The following CBLB variants were observed in gnomAD, a reference collection of about 807,000 sequenced individuals.
The protein encoded by CBLB is E3 ubiquitin-protein ligase CBL-B.
A neutral mutation model predicts 104.9 loss-of-function variants in CBLB; 31 were observed. The ratio of observed to expected loss-of-function variants is 0.30; its 90% CI spans 0.22 to 0.40. The LOEUF is 0.40. CBLB is among the 10% of genes least tolerant of loss of function. The probability of loss-of-function intolerance (pLI) is 1.00; values close to 1 mark genes in which losing one functional copy is unlikely to be tolerated. For synonymous variants in CBLB, 440 were observed against 422.6 expected, an observed-to-expected ratio of 1.04 and a Z score of -0.51; for missense variants, 1,062 against 1,214.6, an observed-to-expected ratio of 0.87 and a Z score of 1.87.
intron 4 of CBLB, among the ~76,000 whole-genome samples, chr3:105,773,268 A>G (rs1185019500): frequency 1.2e-4 from 19 of 152,226 alleles, no homozygotes; most frequent in Non-Finnish European, 1.5e-5. Context: ...CCATTATTCT[A>G]AGTGAAGTAA....
chr3:105,835,983 T>C (rs1020113130), intron 3 of CBLB, among the ~76,000 whole-genome samples: 1 of 151,938 alleles, frequency 6.6e-6, no homozygotes, highest in African/African-American at 2.4e-5. Context: ...AATGGAATGT[T>C]ATCTGGTACA....
rs116409047 is a variant in CBLB, at chr3:105,815,375, G to A, written c.419+38039C>T. ...AGCAAAAAACACAGGAAGAAAGGCT[G>A]TTAATGGCTTTATATTACAATGGAA... On this transcript the variant is annotated intron_variant, in intron 3 of 18. Coordinates refer to ENST00000394030, the MANE Select transcript of CBLB (RefSeq NM_170662.5). 5.0e-3 allele frequency among the ~76,000 whole-genome samples: 761 copies of A among 152,312 alleles called. 7 individuals carry two copies. The highest frequency in any genetic ancestry group is 0.017 in the African/African-American group (714 of 41,568).
intron 9 of CBLB, among the ~76,000 whole-genome samples, chr3:105,725,123 T>TA (rs1292535352): frequency 6.6e-6 from 1 of 152,146 alleles, no homozygotes; most frequent in South Asian, 2.1e-4. Context: ...ATATCAAAAT[T>TA]AAAAAAACTA....
intron 4 of CBLB, among the ~76,000 whole-genome samples, chr3:105,763,598 T>A (rs1029285617): frequency 4.6e-5 from 7 of 152,240 alleles, no homozygotes; most frequent in African/African-American, 1.4e-4. Context: ...CATGTGGAAC[T>A]GTGAGTGCAT....
chr3:105,703,912 G>T, intron 11 of CBLB, 76 bp downstream of exon 11: 1 of 1,369,630 alleles, frequency 7.3e-7, no homozygotes, highest in Non-Finnish European at 1.0e-6. Flanking sequence ...TATGAGTAAT[G>T]GAATTTAAAA....
intron 9 of CBLB, 101 bp downstream of exon 9, chr3:105,733,908 A>T: frequency 9.2e-7 from 1 of 1,084,160 alleles, no homozygotes. Context: ...CATTTCAAAC[A>T]AAGCACTTAC....
chr3:105,868,776 G>A lies in CBLB; in HGVS notation c.-55C>T. Reference sequence around the variant, plus strand: ...CTGTCCAGAGACACGCGTGTGCGCGGGTCCCACTCCACACGCACGCAGCCC... The same window carrying A: ...CTGTCCAGAGACACGCGTGTGCGCGAGTCCCACTCCACACGCACGCAGCCC... On this transcript the variant is annotated 5_prime_UTR_variant, in exon 1 of 19. Coordinates refer to ENST00000394030, the MANE Select transcript of CBLB (RefSeq NM_170662.5). 3 of 988,918 alleles carry A rather than the reference G, an allele frequency of 3.0e-6. No individual in the cohort carries two copies. The highest frequency in any genetic ancestry group is 3.6e-6 in the Non-Finnish European group (3 of 832,118). 61.3% of individuals were successfully genotyped at this position (988,918 alleles called of 1,614,324 possible). A position where few individuals can be genotyped will look rare whatever the true frequency, so the allele number is the denominator to read the frequency against.
chr3:105,677,744 C>G (rs1293617603), intron 17 of CBLB, among the ~76,000 whole-genome samples: 3 of 150,054 alleles, frequency 2.0e-5, no homozygotes, highest in Non-Finnish European at 3.0e-5. Flanking sequence ...TATTTCAGAT[C>G]CTCTTTTGAA....
chr3:105,855,501 T>A (rs1224737382), intron 2 of CBLB, among the ~76,000 whole-genome samples: 6 of 152,224 alleles, frequency 3.9e-5, no homozygotes, highest in Non-Finnish European at 8.8e-5. Context: ...TATCAAAGCA[T>A]CATGTTATAC....
intron 3 of CBLB, among the ~76,000 whole-genome samples, chr3:105,801,415 TTAAGTA>T (rs767924346): frequency 6.6e-6 from 1 of 152,216 alleles, no homozygotes; most frequent in Non-Finnish European, 1.5e-5. Flanking sequence ...TTTAGCTACT[TTAAGTA>T]TAAGGAACTC....
At chr3:105,748,640 G>A (rs1347912817) in intron 5 of CBLB, among the ~76,000 whole-genome samples, 1 of 152,162 alleles carries the variant, frequency 6.6e-6, no homozygotes, top group Non-Finnish European at 1.5e-5. Flanking sequence ...AGAGAAAAGA[G>A]AAGGATAAAG....
intron 3 of CBLB, among the ~76,000 whole-genome samples, chr3:105,847,486 C>T (rs1214249403): frequency 6.6e-6 from 1 of 151,740 alleles, no homozygotes; most frequent in Non-Finnish European, 1.5e-5. Context: ...GATTCAAAGG[C>T]TCTGAAATGA....
At chr3:105,740,029 G>A (rs920986047) in intron 7 of CBLB, among the ~76,000 whole-genome samples, 1 of 152,224 alleles carries the variant, frequency 6.6e-6, no homozygotes, top group African/African-American at 2.4e-5. Flanking sequence ...CTTGAACCCA[G>A]GAGGCGGAGG....
chr3:105,792,356 G>C (rs987399977), intron 3 of CBLB, among the ~76,000 whole-genome samples: 1 of 152,142 alleles, frequency 6.6e-6, no homozygotes, highest in African/African-American at 2.4e-5. Flanking sequence ...CCCAAGTGGG[G>C]AGGCTGCTAA....
At chr3:105,674,540 T>A (rs1430223771) in intron 17 of CBLB, among the ~76,000 whole-genome samples, 1 of 152,198 alleles carries the variant, frequency 6.6e-6, no homozygotes, top group Non-Finnish European at 1.5e-5. Context: ...AACACTGTAT[T>A]TTGTGCACTG....
intron 3 of CBLB, among the ~76,000 whole-genome samples, chr3:105,786,411 T>G (rs1284805863): frequency 6.6e-6 from 1 of 152,060 alleles, no homozygotes; most frequent in Non-Finnish European, 1.5e-5. Context: ...CTGCAATGTC[T>G]CCGGTACTCT....
chr3:105,723,444 G>T (rs1016422287), intron 9 of CBLB, among the ~76,000 whole-genome samples: 7 of 152,090 alleles, frequency 4.6e-5, no homozygotes, highest in Admixed American at 1.3e-4. Flanking sequence ...AAAGGATACA[G>T]AAGTTATCAG....
intron 12 of CBLB, among the ~76,000 whole-genome samples, chr3:105,700,051 T>C (rs569115280): frequency 6.6e-6 from 1 of 152,296 alleles, no homozygotes; most frequent in South Asian, 2.1e-4. Flanking sequence ...TTCTCTATTA[T>C]ACTAATCTGT....
intron 12 of CBLB, among the ~76,000 whole-genome samples, chr3:105,697,692 A>G (rs2068558340): frequency 6.6e-6 from 1 of 152,052 alleles, no homozygotes; most frequent in South Asian, 2.1e-4. Flanking sequence ...AAAAAGGGAA[A>G]TCATTTGATA....
Sources: gnomAD v4.1 joint callset for allele counts (sites outside exome capture counted in the v4.1 genomes callset) on GRCh38, gnomAD v4.1.1 for gene constraint, MANE v1.5 for transcripts, NCBI Gene and HGNC (gene_info 2026-07-23, HGNC 2026-07-21) for gene names.